ITFG1: variants seen among roughly 807,000 people sequenced by gnomAD.
ITFG1 encodes the protein integrin alpha FG-GAP repeat containing 1, also known as T-cell immunomodulatory protein.
In ITFG1, 34 loss-of-function variants were observed where a neutral mutation model predicts 81.8. The ratio of observed to expected loss-of-function variants is 0.42; its 90% CI spans 0.32 to 0.55. The LOEUF (loss-of-function observed/expected upper bound fraction) is 0.55. ITFG1 is among the 20% of genes least tolerant of loss of function. ITFG1 has a pLI of 0.17. For missense variants in ITFG1, 672 were observed against 755.4 expected (o/e 0.89, Z 1.29); for synonymous variants, 285 against 270.6 (o/e 1.05, Z -0.52).
rs189113928 is a variant in ITFG1 at position 47,324,172 on chromosome 16, G to A, written c.803-10349C>T. On this transcript the variant is annotated intron_variant, in intron 8 of 17. Transcript: ENST00000320640. ...AATCTACAAGCCAGAAGAGAGTGGGGGCCAATATTCAACATTCTTAAAGAA... is the reference window on the plus strand; with the variant it reads ...AATCTACAAGCCAGAAGAGAGTGGGAGCCAATATTCAACATTCTTAAAGAA... Among the ~76,000 whole-genome samples the A allele has an allele frequency of 4.2e-3, 634 of 151,986 alleles. 6 individuals are homozygous for A. Among genetic ancestry groups the A allele is most frequent in the African/African-American group, 0.015 (605 of 41,440 alleles).
chr16:47,349,176 C>T lies in ITFG1; in HGVS notation c.802+16612G>A, dbSNP rs142216129. On this transcript the variant is annotated intron_variant, in intron 8 of 17. Coordinates refer to ENST00000320640, the MANE Select transcript of ITFG1 (RefSeq NM_030790.5). ...ACTAATGAGCAAAGTTACCAGCTAA[C>T]ATCATAATGACATGATCAAATTCAC... 3.1e-3 allele frequency among the ~76,000 whole-genome samples: 467 copies of T among 152,292 alleles called. 2 individuals carry two copies. Among genetic ancestry groups the T allele is most frequent in the African/African-American group, 0.011 (445 of 41,564 alleles).
rs185536238 is a variant in ITFG1, at chr16:47,298,516, T to C, written c.1070+12724A>G. On this transcript the variant is annotated intron_variant, in intron 10 of 17. Transcript: ENST00000320640. ...TTCAGGATGTGACTATGATGTTATG[T>C]AGGGCTGTTTCTCTTTGCTTCTGGG... is the stretch of plus-strand genomic sequence containing the variant. Among the ~76,000 whole-genome samples the C allele has an allele frequency of 5.9e-5, 9 of 152,284 alleles. No individual in the cohort carries two copies. In the East Asian group the frequency reaches 1.7e-3, roughly 29 times the overall value.
intron 5 of ITFG1, among the ~76,000 whole-genome samples, chr16:47,437,717 G>T (rs1157053044): frequency 6.6e-6 from 1 of 151,940 alleles, no homozygotes; most frequent in Non-Finnish European, 1.5e-5. Context: ...AGTTGGGGTT[G>T]GAGCCAAGAT....
intron 14 of ITFG1, among the ~76,000 whole-genome samples, chr16:47,176,605 C>T (rs1965027306): frequency 6.6e-6 from 1 of 152,164 alleles, no homozygotes; most frequent in East Asian, 1.9e-4. Flanking sequence ...TTTCTAGCTG[C>T]CTAAGAGAAT....
intron 10 of ITFG1, among the ~76,000 whole-genome samples, chr16:47,297,616 C>T (rs770350242): frequency 1.3e-5 from 2 of 149,376 alleles, no homozygotes; most frequent in African/African-American, 2.4e-5. Flanking sequence ...TATAAAATTC[C>T]TGATTGACAG....
rs558992782 is a variant in ITFG1 at position 47,309,157 on chromosome 16, C to T, written c.1070+2083G>A. Among the ~76,000 whole-genome samples the T allele has an allele frequency of 6.7e-4, 101 of 151,634 alleles. 1 individual carries two copies. Among genetic ancestry groups the T allele is most frequent in the African/African-American group, 2.1e-3 (88 of 41,304 alleles). ...GATCTTGGCTCACTGCAACCTCTGC[C>T]TCCTGGGTTCAAGTGATTCTCCTGC... On this transcript the variant is annotated intron_variant, in intron 10 of 17. Transcript: ENST00000320640.
intron 8 of ITFG1, among the ~76,000 whole-genome samples, chr16:47,323,507 A>C (rs1392943577): frequency 6.6e-6 from 1 of 152,014 alleles, no homozygotes; most frequent in East Asian, 1.9e-4. Context: ...TTGACTTTGG[A>C]CTTCTCAGAT....
At chr16:47,205,442 T>G (rs993988576) in intron 14 of ITFG1, among the ~76,000 whole-genome samples, 1 of 152,176 alleles carries the variant, frequency 6.6e-6, no homozygotes, top group Non-Finnish European at 1.5e-5. Flanking sequence ...GTGCACTCAA[T>G]GCAAGTCAGT....
At chr16:47,312,750 T>C (rs1967286422) in intron 9 of ITFG1, 1 of 152,166 alleles carries the variant, frequency 6.6e-6, no homozygotes, top group South Asian at 2.1e-4. Context: ...GGTAAATGTA[T>C]TAAGGCCTAA....
intron 3 of ITFG1, 51 bp downstream of exon 3, chr16:47,453,962 T>C (rs1437891389): frequency 8.7e-7 from 1 of 1,147,536 alleles, no homozygotes; most frequent in African/African-American, 1.6e-5. Context: ...TTTTGTTACA[T>C]TTACCTTCAT....
At chr16:47,329,926 A>G (rs1379317178) in intron 8 of ITFG1, among the ~76,000 whole-genome samples, 1 of 152,154 alleles carries the variant, frequency 6.6e-6, no homozygotes, top group Non-Finnish European at 1.5e-5. Context: ...AGACACTCAG[A>G]AGTGTCAAAT....
intron 8 of ITFG1, among the ~76,000 whole-genome samples, chr16:47,314,976 C>T (rs1308224686): frequency 6.6e-6 from 1 of 151,894 alleles, no homozygotes; most frequent in Non-Finnish European, 1.5e-5. Context: ...GAATTTTAGG[C>T]TGAGTGGAAT....
chr16:47,239,766 T>A (rs1403955737), intron 12 of ITFG1, among the ~76,000 whole-genome samples: 1 of 152,294 alleles, frequency 6.6e-6, no homozygotes, highest in East Asian at 1.9e-4. Context: ...CTTCTCACTC[T>A]CCTTTTATCT....
chr16:47,221,870 G>A (rs1205614957), intron 13 of ITFG1, among the ~76,000 whole-genome samples: 7 of 152,132 alleles, frequency 4.6e-5, no homozygotes, highest in Admixed American at 2.0e-4. Flanking sequence ...GTTTATTTGC[G>A]TAGAGGTGTT....
chr16:47,221,974 T>C (rs919520362), intron 13 of ITFG1, among the ~76,000 whole-genome samples: 13 of 152,282 alleles, frequency 8.5e-5, no homozygotes, highest in Admixed American at 2.0e-4. Flanking sequence ...TTCTTCTCTC[T>C]TTTTTTCTTT....
At chr16:47,353,769 T>G (rs2151582681) in intron 8 of ITFG1, among the ~76,000 whole-genome samples, 1 of 151,362 alleles carries the variant, frequency 6.6e-6, no homozygotes, top group Non-Finnish European at 1.5e-5. Context: ...GAAAAAGAAA[T>G]CAAGAAAAAA....
At chr16:47,166,764 T>TGAACA (rs58350853) in intron 14 of ITFG1, among the ~76,000 whole-genome samples, 150,763 of 152,204 alleles carry the variant, frequency 0.99, 74,682 homozygotes, top group East Asian at 1. Flanking sequence ...AATGCTTTAG[T>TGAACA]TTGCACCCAA....
intron 3 of ITFG1, among the ~76,000 whole-genome samples, 182 bp downstream of exon 3, chr16:47,453,831 T>G (rs1196839690): frequency 6.6e-6 from 1 of 152,152 alleles, no homozygotes; most frequent in African/African-American, 2.4e-5. Context: ...AGTTTGTCAG[T>G]AGAAGTGATC....
At chr16:47,268,025 A>T (rs1235216824) in intron 10 of ITFG1, among the ~76,000 whole-genome samples, 1 of 152,034 alleles carries the variant, frequency 6.6e-6, no homozygotes, top group Non-Finnish European at 1.5e-5. Flanking sequence ...AGAAAAAAGT[A>T]AATAATAGTA....
Sources: gnomAD v4.1 joint callset for allele counts (sites outside exome capture counted in the v4.1 genomes callset) on GRCh38, gnomAD v4.1.1 for gene constraint, MANE v1.5 for transcripts, NCBI Gene and HGNC (gene_info 2026-07-23, HGNC 2026-07-21) for gene names.